Variants in FHIT observed in about 807,000 individuals in gnomAD.
FHIT encodes bis(5'-adenosyl)-triphosphatase.
FHIT carries 19 observed loss-of-function variants against 17.9 expected under a neutral mutation model. The observed-to-expected ratio is 1.06, with a 90% CI of 0.74 to 1.56. The LOEUF is 1.56. Among genes scored for constraint, FHIT ranks in the 40% most tolerant of loss-of-function variants. The probability of loss-of-function intolerance (pLI) is 0.00; values close to 1 mark genes in which losing one functional copy is unlikely to be tolerated. For synonymous variants in FHIT, 81 were observed against 69.7 expected (o/e 1.16, Z -0.81); for missense variants, 248 against 189.2 (o/e 1.31, Z -1.82).
At chr3:60,516,088 G>C (rs2035143677) in intron 5 of FHIT, among the ~76,000 whole-genome samples, 1 of 152,128 alleles carries the variant, frequency 6.6e-6, no homozygotes. Flanking sequence ...TGGGTTCAGA[G>C]GACCTATCCA....
intron 4 of FHIT, among the ~76,000 whole-genome samples, chr3:60,643,515 T>C (rs192594935): frequency 4.7e-4 from 71 of 152,156 alleles, no homozygotes; most frequent in African/African-American, 1.2e-3. Context: ...CGAGGCAGAG[T>C]GATCTTAACT....
chr3:60,022,432 T>C (rs192940984), intron 5 of FHIT, among the ~76,000 whole-genome samples: 4 of 152,266 alleles, frequency 2.6e-5, no homozygotes, highest in Admixed American at 1.3e-4. Flanking sequence ...TGAGCGAAAA[T>C]GATATACGTC....
At chr3:60,482,028 A>G (rs114473869) in intron 5 of FHIT, among the ~76,000 whole-genome samples, 83 of 152,330 alleles carry the variant, frequency 5.4e-4, no homozygotes, top group African/African-American at 1.9e-3. Flanking sequence ...TTGCAGTCCT[A>G]GTCTCTGACA....
intron 3 of FHIT, among the ~76,000 whole-genome samples, chr3:60,822,546 C>T (rs536384654): frequency 6.6e-6 from 1 of 152,268 alleles, no homozygotes; most frequent in East Asian, 1.9e-4. Flanking sequence ...TTTTTGGTCC[C>T]ACTGGCCTGA....
At position 60,732,038 on chromosome 3, in the gene FHIT, C is replaced by A. The variant is rs149032668; in HGVS notation, c.-18+89881G>T. On this transcript the variant is annotated intron_variant, in intron 4 of 9. Transcript: ENST00000492590. ...ACATGGAACCCAAAGGGAATTGCAG[C>A]GACAATACAAAGATTCTAGGATACT... is the stretch of plus-strand genomic sequence containing the variant. 146 of 455,514 alleles carry A rather than the reference C, an allele frequency of 3.2e-4. 4 individuals carry two copies. The South Asian group carries it at 3.9e-3, about 12-fold the overall frequency. 28.2% of individuals were successfully genotyped at this position (455,514 alleles called of 1,614,324 possible).
chr3:60,559,012 C>T (rs992426329), intron 4 of FHIT, among the ~76,000 whole-genome samples: 2 of 152,126 alleles, frequency 1.3e-5, no homozygotes, highest in African/African-American at 2.4e-5. Flanking sequence ...ACATATTCTA[C>T]GGTAATCCTC....
intron 5 of FHIT, among the ~76,000 whole-genome samples, chr3:60,183,579 TG>T (rs1702034774): frequency 1.3e-5 from 2 of 152,134 alleles, no homozygotes; most frequent in Non-Finnish European, 2.9e-5. Context: ...ACAGACATTC[TG>T]GGTACTTCAA....
At chr3:59,897,895 T>G (rs966716779) in intron 8 of FHIT, among the ~76,000 whole-genome samples, 19 of 151,952 alleles carry the variant, frequency 1.3e-4, no homozygotes, top group African/African-American at 4.3e-4. Context: ...GCCTCCCGAG[T>G]AGCTGGGACT....
intron 4 of FHIT, among the ~76,000 whole-genome samples, chr3:60,623,640 T>C (rs1373366873): frequency 3.3e-5 from 5 of 152,176 alleles, no homozygotes; most frequent in Admixed American, 6.5e-5. Flanking sequence ...GGGTGATACA[T>C]AGGCTCAGTT....
intron 5 of FHIT, among the ~76,000 whole-genome samples, chr3:60,247,172 G>C (rs750743873): frequency 6.6e-6 from 1 of 151,762 alleles, no homozygotes; most frequent in Non-Finnish European, 1.5e-5. Flanking sequence ...GGATGACTCT[G>C]TACCTTCTGC....
intron 7 of FHIT, among the ~76,000 whole-genome samples, chr3:59,967,172 C>T (rs971506083): frequency 2.6e-5 from 4 of 152,086 alleles, no homozygotes; most frequent in Non-Finnish European, 5.9e-5. Context: ...ACCATGGAGC[C>T]GTCTTCTCCT....
chr3:60,233,812 T>C (rs553353389), intron 5 of FHIT, among the ~76,000 whole-genome samples: 1 of 152,188 alleles, frequency 6.6e-6, no homozygotes, highest in Non-Finnish European at 1.5e-5. Flanking sequence ...TCTGATGGTT[T>C]TATGAAGGGG....
At chr3:60,237,929 A>C (rs1329533982) in intron 5 of FHIT, among the ~76,000 whole-genome samples, 1 of 152,020 alleles carries the variant, frequency 6.6e-6, no homozygotes, top group African/African-American at 2.4e-5. Context: ...TGAGGTCAGG[A>C]GTATGAGAGT....
intron 5 of FHIT, among the ~76,000 whole-genome samples, chr3:60,470,806 G>A (rs1263179556): frequency 2.0e-5 from 3 of 152,130 alleles, no homozygotes; most frequent in Non-Finnish European, 4.4e-5. Flanking sequence ...CACCACAGCT[G>A]GGAATGTGCT....
At chr3:61,003,426 T>G (rs1032551716) in intron 3 of FHIT, among the ~76,000 whole-genome samples, 1 of 152,224 alleles carries the variant, frequency 6.6e-6, no homozygotes, top group South Asian at 2.1e-4. Context: ...TTTATCCTAC[T>G]TTTATTTAAA....
intron 2 of FHIT, among the ~76,000 whole-genome samples, chr3:61,043,673 T>A (rs534244139): frequency 3.2e-4 from 48 of 152,314 alleles, no homozygotes; most frequent in African/African-American, 1.1e-3. Flanking sequence ...ATGGACAGAC[T>A]GCCTCTTCAA....
chr3:60,781,143 A>G (rs1311137183), intron 4 of FHIT, among the ~76,000 whole-genome samples: 3 of 152,344 alleles, frequency 2.0e-5, no homozygotes, highest in Admixed American at 1.3e-4. Flanking sequence ...GCCAAAGCAC[A>G]TAAGTGGAGA....
intron 2 of FHIT, among the ~76,000 whole-genome samples, chr3:61,055,007 G>A (rs2034167747): frequency 6.6e-6 from 1 of 152,072 alleles, no homozygotes; most frequent in South Asian, 2.1e-4. Flanking sequence ...CCCTGCTTTG[G>A]AACAGGGCAC....
intron 5 of FHIT, among the ~76,000 whole-genome samples, chr3:60,445,073 T>C (rs1184152707): frequency 6.6e-6 from 1 of 152,132 alleles, no homozygotes; most frequent in Non-Finnish European, 1.5e-5. Flanking sequence ...GAGCCCTACC[T>C]GGTAACTCCA....
Sources: allele counts gnomAD v4.1 joint callset (sites outside exome capture counted in the v4.1 genomes callset), GRCh38; gene constraint gnomAD v4.1.1; transcripts MANE v1.5; gene names NCBI Gene and HGNC (gene_info 2026-07-23, HGNC 2026-07-21).